TPTE2: variants seen among roughly 807,000 people sequenced by gnomAD.
TPTE2 encodes the protein transmembrane phosphoinositide 3-phosphatase and tensin homolog 2, also known as phosphatidylinositol 3,4,5-trisphosphate 3-phosphatase TPTE2.
TPTE2 carries 53 observed loss-of-function variants against 78.6 expected under a neutral mutation model. The ratio of observed to expected loss-of-function variants is 0.67; its 90% confidence interval spans 0.54 to 0.85. The LOEUF (loss-of-function observed/expected upper bound fraction) is 0.85. TPTE2 is among the 40% of genes least tolerant of loss of function. TPTE2 has a pLI of 0.00. For synonymous variants in TPTE2, 175 were observed against 206.2 expected (o/e 0.85, Z 1.30); for missense variants, 461 against 623.0 (o/e 0.74, Z 2.77).
rs766700012 is a variant in TPTE2 at position 19,436,343 on chromosome 13, G to A, written c.1036-37C>T. On this transcript the variant is annotated intron_variant, in intron 14 of 19. Coordinates refer to ENST00000400230, the Ensembl canonical transcript of TPTE2. ...GGTACAATCCAACCATGGTTCATCT[G>A]CACTCTTTCCTTTCCTATATTAGGT... 19 of 1,566,344 alleles carry A rather than the reference G, an allele frequency of 1.2e-5. No individual in the cohort carries two copies. In the South Asian group the frequency reaches 1.8e-4, roughly 15 times the overall value.
At chr13:19,422,960 G>A (rs981123949) in exon 20 of TPTE2, 1 of 1,430,390 alleles carries the variant, frequency 7.0e-7, no homozygotes, top group Non-Finnish European at 9.6e-7. Context: ...GAAGACTTAG[G>A]ACACATGAAC....
chr13:19,553,175 CT>C, the TPTE2 span, among the ~76,000 whole-genome samples: 21 of 152,088 alleles, frequency 1.4e-4, no homozygotes, highest in East Asian at 3.5e-3. Context: ...TGCTTAAATG[CT>C]TTTTATGCAT....
At chr13:19,537,645 A>G (rs180878575), upstream of TPTE2, among the ~76,000 whole-genome samples, 2,756 of 144,208 alleles carry the variant, frequency 0.019, 38 homozygotes, top group Middle Eastern at 0.052. Flanking sequence ...CTCTGTCGCC[A>G]AGGCTGGAGT....
intron 1 of TPTE2, among the ~76,000 whole-genome samples, chr13:19,495,450 C>T (rs2137647612): frequency 6.6e-6 from 1 of 152,288 alleles, no homozygotes; most frequent in East Asian, 1.9e-4. Flanking sequence ...GGTAATGTGA[C>T]AAACACTAAC....
intron 5 of TPTE2, among the ~76,000 whole-genome samples, chr13:19,474,845 T>C (rs1879836947): frequency 6.6e-6 from 1 of 152,212 alleles, no homozygotes; most frequent in Non-Finnish European, 1.5e-5. Context: ...AATCGTACTC[T>C]TATGTAGAGA....
chr13:19,429,992 C>G (rs1263178490), intron 17 of TPTE2, among the ~76,000 whole-genome samples: 1 of 152,094 alleles, frequency 6.6e-6, no homozygotes, highest in Non-Finnish European at 1.5e-5. Context: ...TCTATAGATT[C>G]CTGGGCCCCA....
At chr13:19,475,987 A>G (rs1879913172) in intron 4 of TPTE2, among the ~76,000 whole-genome samples, 1 of 152,208 alleles carries the variant, frequency 6.6e-6, no homozygotes, top group Non-Finnish European at 1.5e-5. Flanking sequence ...CAGCCTGGGC[A>G]AATCATCAAA....
At chr13:19,438,783 G>A (rs1877288422) in intron 13 of TPTE2, among the ~76,000 whole-genome samples, 1 of 152,148 alleles carries the variant, frequency 6.6e-6, no homozygotes, top group Admixed American at 6.5e-5. Context: ...AAAGAAAATG[G>A]CAATTCCTCG....
intron 13 of TPTE2, among the ~76,000 whole-genome samples, chr13:19,442,616 C>T (rs1877570084): frequency 6.7e-6 from 1 of 150,360 alleles, no homozygotes; most frequent in Non-Finnish European, 1.5e-5. Flanking sequence ...CCAATAAGGC[C>T]AAAAATTTGG....
Position 19,492,837 on chromosome 13 carries a change from A to G in TPTE2, c.119+13T>C. On this transcript the variant is annotated intron_variant, in intron 3 of 19. Coordinates refer to ENST00000400230, the Ensembl canonical transcript of TPTE2. ...CTTATGCATACGTGTGTCTTCATGT[A>G]TTTATAACTCACCTTTTACTGATAG... The G allele has an allele frequency of 2.5e-6, 4 of 1,613,810 alleles. No homozygotes were observed. Among genetic ancestry groups the G allele is most frequent in the Non-Finnish European group, 3.4e-6 (4 of 1,179,756 alleles).
At chr13:19,446,429 T>C (rs1877834868) in intron 13 of TPTE2, among the ~76,000 whole-genome samples, 1 of 152,272 alleles carries the variant, frequency 6.6e-6, no homozygotes, top group Admixed American at 6.5e-5. Flanking sequence ...ATGCAATTGA[T>C]GGTGTTAGGA....
intron 10 of TPTE2, among the ~76,000 whole-genome samples, chr13:19,454,896 A>T (rs1218693426): frequency 1.3e-5 from 2 of 152,222 alleles, no homozygotes; most frequent in Admixed American, 1.3e-4. Flanking sequence ...ACTCACAGTC[A>T]TTAACTTAAC....
intron 3 of TPTE2, among the ~76,000 whole-genome samples, chr13:19,491,302 CAT>C (rs1169271247): frequency 6.6e-6 from 1 of 152,114 alleles, no homozygotes; most frequent in Non-Finnish European, 1.5e-5. Flanking sequence ...GGTACATAGA[CAT>C]ATAATGAATT....
chr13:19,474,026 C>G (rs368683219), exon 6 of TPTE2: 6 of 1,608,278 alleles, frequency 3.7e-6, no homozygotes, highest in Non-Finnish European at 5.1e-6. Flanking sequence ...AAAATTAGGT[C>G]GGCAAGGAGG....
chr13:19,558,683 C>A, the TPTE2 span, among the ~76,000 whole-genome samples: 2 of 152,174 alleles, frequency 1.3e-5, no homozygotes, highest in African/African-American at 4.8e-5. Context: ...TCTTACATTT[C>A]CCCTTGTGAT....
intron 15 of TPTE2, among the ~76,000 whole-genome samples, chr13:19,433,685 A>G (rs992641640): frequency 2.0e-5 from 3 of 152,154 alleles, no homozygotes; most frequent in African/African-American, 7.2e-5. Context: ...ATGGCCCACA[A>G]TGCAGGATCA....
chr13:19,457,396 T>C (rs1878602655), intron 10 of TPTE2, among the ~76,000 whole-genome samples: 2 of 152,220 alleles, frequency 1.3e-5, no homozygotes, highest in Admixed American at 6.5e-5. Flanking sequence ...CAGTGGTACA[T>C]GTGGAGGATG....
chr13:19,488,342 CT>C (rs1364366442), intron 3 of TPTE2, among the ~76,000 whole-genome samples: 1 of 152,218 alleles, frequency 6.6e-6, no homozygotes, highest in Non-Finnish European at 1.5e-5. Context: ...GAATTGGCCT[CT>C]GCTTTGAAGA....
intron 10 of TPTE2, among the ~76,000 whole-genome samples, chr13:19,454,573 T>G (rs1339691346): frequency 6.6e-6 from 1 of 152,194 alleles, no homozygotes; most frequent in African/African-American, 2.4e-5. Flanking sequence ...TTGAGTGGTT[T>G]ATGATTTGTG....
Sources: allele counts gnomAD v4.1 joint callset (sites outside exome capture counted in the v4.1 genomes callset), GRCh38; gene constraint gnomAD v4.1.1; transcripts MANE v1.5; gene names NCBI Gene and HGNC (gene_info 2026-07-23, HGNC 2026-07-21).